The following SUPT20H variants were observed in gnomAD, a reference collection of about 807,000 sequenced individuals.
The protein encoded by SUPT20H is SPT20 homolog, SAGA complex component.
SUPT20H carries 82 observed loss-of-function variants against 122.8 expected under a neutral mutation model. That is an observed-to-expected ratio of 0.67 (90% CI 0.56 to 0.80). The LOEUF (loss-of-function observed/expected upper bound fraction) is 0.80, where lower values mean the gene tolerates loss of function less well. Ranked by LOEUF, SUPT20H falls within the 30% of genes least tolerant of loss-of-function variation. The pLI, the probability that SUPT20H is intolerant of heterozygous loss-of-function variation, is 0.00. For synonymous variants in SUPT20H, 291 were observed against 313.0 expected (o/e 0.93, Z 0.74); for missense variants, 831 against 921.6 (o/e 0.90, Z 1.27).
At chr13:37,031,460 CTT>C (rs945535766) in intron 12 of SUPT20H, 105 bp downstream of exon 12, 16 of 653,356 alleles carry the variant, frequency 2.4e-5, no homozygotes, top group South Asian at 2.1e-4. Flanking sequence ...ATCTAAATCA[CTT>C]TGTTTTTAAA....
intron 10 of SUPT20H, among the ~76,000 whole-genome samples, chr13:37,032,398 A>G (rs760820454): frequency 1.3e-5 from 2 of 152,206 alleles, no homozygotes; most frequent in African/African-American, 2.4e-5. Context: ...TAACAGGTAA[A>G]AAGCTGAATA....
rs372863904 is a variant in SUPT20H, at chr13:37,047,620, A to G, written c.99-19T>C. ...AGATTTTCTAAAAAAATTTAATGAA[A>G]CAAATATATAAAATGTTAACAGAGT... On this transcript the variant is annotated intron_variant, in intron 4 of 25. Transcript: ENST00000350612. 1 of 1,359,484 alleles carries G rather than the reference A, an allele frequency of 7.4e-7. No individual in the cohort carries two copies. The highest frequency in any genetic ancestry group is 9.9e-7 in the Non-Finnish European group (1 of 1,013,418). The allele number at this position is 1,359,484 out of a possible 1,614,324, so 84.2% of individuals were successfully genotyped here. A position where few individuals can be genotyped will look rare whatever the true frequency, so the allele number is the denominator to read the frequency against.
In SUPT20H at chr13:37,022,093, A is replaced by G. The variant is rs1248617192; in HGVS notation, c.1592-13T>C. The G allele has an allele frequency of 6.2e-7, 1 of 1,614,020 alleles. No individual in the cohort carries two copies. The highest frequency in any genetic ancestry group is 8.5e-7 in the Non-Finnish European group (1 of 1,180,016). On this transcript the variant is annotated splice_polypyrimidine_tract_variant and intron_variant, in intron 19 of 25. Transcript: ENST00000350612. This position sits in a 1 kb window ranked among gnomAD's most constrained non-coding sequence, Gnocchi z 4.5. ...GTGGCCGTGGTTCCTGGAGTTATAG[A>G]TGTTACCATGGTGGAAAGAGGAATG...
chr13:37,014,954 C>G (rs978869752), intron 23 of SUPT20H, among the ~76,000 whole-genome samples: 11 of 152,034 alleles, frequency 7.2e-5, no homozygotes, highest in African/African-American at 2.7e-4. Context: ...CTTACAAGAG[C>G]AAGATAATTA....
intron 1 of SUPT20H, chr13:37,056,793 T>G (rs1055844161): frequency 1.3e-5 from 2 of 151,936 alleles, no homozygotes; most frequent in Non-Finnish European, 2.9e-5. Context: ...AAGAAAATCT[T>G]CTTTTCTATA....
intron 9 of SUPT20H, among the ~76,000 whole-genome samples, chr13:37,033,999 T>C (rs896271223): frequency 4.6e-5 from 7 of 152,206 alleles, no homozygotes; most frequent in Non-Finnish European, 1.0e-4. Flanking sequence ...TGATATTCAA[T>C]GTGTACTAAA....
chr13:37,049,179 CAG>C (rs1411450466), intron 2 of SUPT20H, among the ~76,000 whole-genome samples: 1 of 151,952 alleles, frequency 6.6e-6, no homozygotes, highest in Non-Finnish European at 1.5e-5. Context: ...AACATTAAGA[CAG>C]AAAAAAATAT....
rs113617172 is a variant in SUPT20H at position 37,018,115 on chromosome 13, A to T, written c.1873-751T>A. Among the ~76,000 whole-genome samples the T allele has an allele frequency of 5.1e-3, 781 of 152,078 alleles. 6 individuals are homozygous for T. The highest frequency in any genetic ancestry group is 0.018 in the African/African-American group (734 of 41,480). On this transcript the variant is annotated intron_variant, in intron 22 of 25. Coordinates refer to ENST00000350612, the MANE Select transcript of SUPT20H (RefSeq NM_001014286.3). ...AACTCTTAGGTCTGTATAGTCAAAA[A>T]AATAATAATAAAAAAAAAATAAAAA...
chr13:37,033,594 A>C lies in SUPT20H; in HGVS notation c.568-6T>G. The C allele has an allele frequency of 6.2e-7, 1 of 1,612,890 alleles. No individual in the cohort carries two copies. The highest frequency in any genetic ancestry group is 8.5e-7 in the Non-Finnish European group (1 of 1,179,404). Reference sequence around the variant, plus strand: ...TCAAGCAAAAGTTTGTCTTCCTGAAATGTGTAAGAGCATATGTCAATACCA... The same window carrying C: ...TCAAGCAAAAGTTTGTCTTCCTGAACTGTGTAAGAGCATATGTCAATACCA... On this transcript the variant is annotated splice_region_variant and splice_polypyrimidine_tract_variant and intron_variant, in intron 9 of 25. Coordinates refer to ENST00000350612, the MANE Select transcript of SUPT20H (RefSeq NM_001014286.3).
At chr13:37,015,133 G>A in intron 23 of SUPT20H, among the ~76,000 whole-genome samples, 1 of 149,516 alleles carries the variant, frequency 6.7e-6, no homozygotes. Context: ...AAAAGCACAG[G>A]CAAGAAAAGT....
In SUPT20H at chr13:37,043,306, G is replaced by C. The variant is rs1048275781; in HGVS notation, c.396+772C>G. 2.6e-5 allele frequency among the ~76,000 whole-genome samples: 4 copies of C among 152,130 alleles called. 1 individual carries two copies. The highest frequency in any genetic ancestry group is 2.1e-4 in the South Asian group (1 of 4,826). ...GAGGAAACGAGAGTTCTCATGTGAT[G>C]TCTTCTTTTTCCTCAGTAGAGTACA... On this transcript the variant is annotated intron_variant, in intron 7 of 25. Transcript: ENST00000350612.
intron 6 of SUPT20H, 104 bp from the exon 7 acceptor site, chr13:37,044,285 C>T (rs1023860909): frequency 1.3e-6 from 1 of 765,122 alleles, no homozygotes; most frequent in Non-Finnish European, 2.0e-6. Flanking sequence ...AACCAAAAGG[C>T]ATTTCAACCA....
At chr13:37,055,369 C>T (rs1279036659) in intron 1 of SUPT20H, among the ~76,000 whole-genome samples, 3 of 152,036 alleles carry the variant, frequency 2.0e-5, no homozygotes, top group Non-Finnish European at 4.4e-5. Flanking sequence ...TCAAACTATA[C>T]TACAAGGCTA....
intron 14 of SUPT20H, among the ~76,000 whole-genome samples, 183 bp downstream of exon 14, chr13:37,027,965 G>A (rs2062609175): frequency 6.6e-6 from 1 of 152,062 alleles, no homozygotes; most frequent in Admixed American, 6.6e-5. Flanking sequence ...TAACTCTTGA[G>A]CAACATGGTA....
rs556559085 is a variant in SUPT20H at position 37,031,850 on chromosome 13, A to G, written c.753T>C (p.Asp251=). The G allele has an allele frequency of 3.5e-5, 56 of 1,604,838 alleles. No individual in the cohort carries two copies. In the Middle Eastern group the frequency reaches 1.2e-3, roughly 33 times the overall value. The change falls in exon 11 of 26, where the codon GAT becomes GAC. Residue 251 remains aspartate, a synonymous_variant. Transcript: ENST00000350612. ...YSRSSLNRQQ[D]LSHCPPPPQL... is the part of the protein sequence containing the mutation. ...GAGGAGGAGGTGGACAATGAGATAG[A>G]TCTTGCTGCCGATTCAGAGAGGATC...
chr13:37,027,479 C>G (rs2062504235), intron 14 of SUPT20H, among the ~76,000 whole-genome samples: 1 of 152,020 alleles, frequency 6.6e-6, no homozygotes, highest in African/African-American at 2.4e-5. Context: ...CACCTTTCTA[C>G]TGTAGTTTCA....
At position 37,017,320 on chromosome 13, in the gene SUPT20H, T is replaced by C; in HGVS notation, c.1917A>G (p.Gln639=). ...SLIFNTLQQQ[Q]QQLSQFTPQQ... is the part of the protein sequence containing the mutation. ...GTGGTGTAAACTGGGAGAGCTGCTGTTGCTGCTGCTGCAGAGTGTTAAAAA... is the reference window on the plus strand; with the variant it reads ...GTGGTGTAAACTGGGAGAGCTGCTGCTGCTGCTGCTGCAGAGTGTTAAAAA... Residue 639 remains glutamine (Q), a synonymous_variant, in exon 23 of 26, where the codon CAA becomes CAG. Transcript: ENST00000350612. The C allele has an allele frequency of 6.2e-7, 1 of 1,614,070 alleles. No individual in the cohort carries two copies. Among genetic ancestry groups the C allele is most frequent in the South Asian group, 1.1e-5 (1 of 91,080 alleles).
At chr13:37,013,261 T>C (rs2059902389) in intron 23 of SUPT20H, 3 of 152,070 alleles carry the variant, frequency 2.0e-5, no homozygotes, top group Admixed American at 1.3e-4. Flanking sequence ...CATAGATTAA[T>C]GAAACAGAAC....
At chr13:37,047,394 C>A in intron 5 of SUPT20H, 141 bp downstream of exon 5, 1 of 920,360 alleles carries the variant, frequency 1.1e-6, no homozygotes, top group South Asian at 2.0e-5. Context: ...AGCTCTGAGT[C>A]AGCTACAGAA....
Sources: allele counts gnomAD v4.1 joint callset (sites outside exome capture counted in the v4.1 genomes callset), GRCh38; gene constraint gnomAD v4.1.1; non-coding constraint Gnocchi (gnomAD v3.1); transcripts MANE v1.5; gene names NCBI Gene and HGNC (gene_info 2026-07-23, HGNC 2026-07-21).